Variants in DEPDC5 observed in about 807,000 individuals in gnomAD.
DEPDC5 encodes the protein DEP domain containing 5, GATOR1 subcomplex subunit.
A neutral mutation model predicts 217.3 loss-of-function variants in DEPDC5; 73 were observed. The ratio of observed to expected loss-of-function variants is 0.34; its 90% confidence interval spans 0.28 to 0.41. DEPDC5 has a LOEUF of 0.41. Among genes scored for constraint, DEPDC5 ranks in the 10% least tolerant of loss-of-function variants. The probability of loss-of-function intolerance (pLI) is 1.00; values close to 1 mark genes in which losing one functional copy is unlikely to be tolerated. For synonymous variants in DEPDC5, 733 were observed against 756.7 expected (o/e 0.97, Z 0.51); for missense variants, 1,675 against 2,070.1 (o/e 0.81, Z 3.70).
chr22:31,889,541 CTTTT>C (rs136874), intron 38 of DEPDC5, among the ~76,000 whole-genome samples: 2 of 99,622 alleles, frequency 2.0e-5, no homozygotes, highest in Non-Finnish European at 4.1e-5. Flanking sequence ...GGCAAAACTT[CTTTT>C]TTTTTTTTTT....
Position 31,777,324 on chromosome 22 carries a change from G to A in DEPDC5, c.414-775G>A, listed in dbSNP as rs568260311. 9.3e-5 allele frequency among the ~76,000 whole-genome samples: 14 copies of A among 150,624 alleles called. No individual in the cohort carries two copies. In the South Asian group the frequency reaches 2.7e-3, roughly 29 times the overall value. ...CGCCCAGGCTGGAGTGCAGTGGCACGATCTCAGCTCACTGCAACTTCCACC... is the reference window on the plus strand; with the variant it reads ...CGCCCAGGCTGGAGTGCAGTGGCACAATCTCAGCTCACTGCAACTTCCACC... On this transcript the variant is annotated intron_variant, in intron 7 of 42. Transcript: ENST00000651528.
At position 31,873,339 on chromosome 22, in the gene DEPDC5, G is replaced by A; in HGVS notation, c.3563+7G>A. On this transcript the variant is annotated splice_region_variant and intron_variant, in intron 35 of 42. Transcript: ENST00000651528. ...AAGCCATGAAGCACCCCTCGTAAGT[G>A]GCTCACCACAGTGTAGGGTTGGAAG... is the stretch of plus-strand genomic sequence containing the variant. The A allele has an allele frequency of 6.2e-6, 10 of 1,613,612 alleles. No individual in the cohort carries two copies. Among genetic ancestry groups the A allele is most frequent in the Non-Finnish European group, 6.8e-6 (8 of 1,179,628 alleles).
chr22:31,754,110 G>A lies in DEPDC5; in HGVS notation c.-115G>A, dbSNP rs1255154655. On this transcript the variant is annotated 5_prime_UTR_variant, in exon 1 of 43. Transcript: ENST00000651528. Reference sequence around the variant, plus strand: ...CTGGAGGAGGCGCAGGGAACCTGGAGAGGGTCCAGCCCTCAGTGCCCCGGC... The same window carrying A: ...CTGGAGGAGGCGCAGGGAACCTGGAAAGGGTCCAGCCCTCAGTGCCCCGGC... 1.3e-5 allele frequency: 2 copies of A among 153,280 alleles called. No individual in the cohort carries two copies. Among genetic ancestry groups the A allele is most frequent in the Non-Finnish European group, 2.9e-5 (2 of 68,858 alleles). 9.5% of individuals were successfully genotyped at this position (153,280 alleles called of 1,614,324 possible). A position where few individuals can be genotyped will look rare whatever the true frequency, so the allele number is the denominator to read the frequency against.
At chr22:31,868,344 G>A (rs1602569483) in intron 33 of DEPDC5, among the ~76,000 whole-genome samples, 2 of 152,160 alleles carry the variant, frequency 1.3e-5, no homozygotes, top group South Asian at 4.1e-4. Context: ...GCAATGCACA[G>A]GACAGCCCCC....
intron 7 of DEPDC5, among the ~76,000 whole-genome samples, chr22:31,774,711 C>T (rs2083665237): frequency 6.6e-6 from 1 of 152,026 alleles, no homozygotes; most frequent in South Asian, 2.1e-4. Context: ...GGTGTGGCTG[C>T]TTGTGCCTGT....
chr22:31,762,077 T>C (rs908985913), intron 4 of DEPDC5, among the ~76,000 whole-genome samples: 6 of 152,086 alleles, frequency 3.9e-5, no homozygotes, highest in African/African-American at 1.4e-4. Flanking sequence ...AGTGCTAAGA[T>C]TGCAGGTGTG....
intron 32 of DEPDC5, chr22:31,858,747 T>C (rs1010337809): frequency 6.6e-6 from 1 of 152,228 alleles, no homozygotes; most frequent in South Asian, 2.1e-4. Flanking sequence ...AAATTGTAGA[T>C]GGTGATTTTT....
chr22:31,815,705 A>G (rs896124937), intron 21 of DEPDC5: 1 of 632,992 alleles, frequency 1.6e-6, no homozygotes, highest in Non-Finnish European at 2.4e-6. Context: ...TGATTATCAT[A>G]TTTTTTTTTG....
chr22:31,783,785 A>T lies in DEPDC5; in HGVS notation c.484-122A>T, dbSNP rs1601803524. On this transcript the variant is annotated intron_variant, in intron 8 of 42. Coordinates refer to ENST00000651528, the MANE Select transcript of DEPDC5 (RefSeq NM_001242896.3). ...TACCATCTTAACCATTTTTAAGTGTATAGTTCAATAGTGTTAAGAACATTT... is the reference window on the plus strand; with the variant it reads ...TACCATCTTAACCATTTTTAAGTGTTTAGTTCAATAGTGTTAAGAACATTT... 2.5e-5 allele frequency: 18 copies of T among 709,746 alleles called. No individual in the cohort carries two copies. In the East Asian group the frequency reaches 5.2e-4, roughly 21 times the overall value. The allele number at this position is 709,746 out of a possible 1,614,324, so 44.0% of individuals were successfully genotyped here.
chr22:31,799,144 G>A (rs1454307932), intron 14 of DEPDC5, among the ~76,000 whole-genome samples: 1 of 151,206 alleles, frequency 6.6e-6, no homozygotes, highest in African/African-American at 2.4e-5. Context: ...CCTGGGTTCA[G>A]GCGATTCTCC....
chr22:31,792,441 A>C (rs1333101629), intron 11 of DEPDC5, among the ~76,000 whole-genome samples: 1 of 151,906 alleles, frequency 6.6e-6, no homozygotes, highest in Non-Finnish European at 1.5e-5. Context: ...CCCCATCTCT[A>C]CTAAAAATAC....
intron 11 of DEPDC5, 100 bp downstream of exon 11, chr22:31,792,202 AC>A: frequency 1.2e-6 from 1 of 841,122 alleles, no homozygotes; most frequent in Non-Finnish European, 1.9e-6. Flanking sequence ...GCACTTTTCC[AC>A]CCTTCCCATC....
chr22:31,792,809 C>A lies in DEPDC5; in HGVS notation c.759C>A (p.Asp253Glu). The A allele has an allele frequency of 6.5e-7, 1 of 1,532,916 alleles. No individual in the cohort carries two copies. The highest frequency in any genetic ancestry group is 8.7e-7 in the Non-Finnish European group (1 of 1,151,864). The allele number at this position is 1,532,916 out of a possible 1,614,324, so 95.0% of individuals were successfully genotyped here. The change falls in exon 12 of 43, where the codon GAC becomes GAA. Residue 253 changes from aspartate (D) to glutamate (E), a missense_variant. This residue lies in a region of DEPDC5 where 628 missense variants were observed against 762.1 expected (regional missense o/e 0.82). Coordinates refer to ENST00000651528, the MANE Select transcript of DEPDC5 (RefSeq NM_001242896.3). ...RQDHKGRFYE[D>E]FYKVVVQNER... ...ATCACAAGGGGAGATTCTATGAAGA[C>A]TTTTACAAGTATGTTTGGGTGCTTT... is the stretch of plus-strand genomic sequence containing the variant.
intron 37 of DEPDC5, among the ~76,000 whole-genome samples, chr22:31,878,049 T>C (rs1311954586): frequency 6.6e-6 from 1 of 151,770 alleles, no homozygotes; most frequent in Non-Finnish European, 1.5e-5. Flanking sequence ...TAGCTGGGCG[T>C]GGTGGCGCAC....
At chr22:31,877,627 G>A (rs1469496276) in intron 37 of DEPDC5, among the ~76,000 whole-genome samples, 1 of 150,130 alleles carries the variant, frequency 6.7e-6, no homozygotes, top group Admixed American at 6.7e-5. Context: ...GTGGCCGCCT[G>A]TAATCCCAGC....
Position 31,845,042 on chromosome 22 carries a change from G to A in DEPDC5, c.2826G>A (p.Trp942Ter), listed in dbSNP as rs2091643419. 6.2e-7 allele frequency: 1 copy of A among 1,614,130 alleles called. No homozygotes were observed. The highest frequency in any genetic ancestry group is 8.5e-7 in the Non-Finnish European group (1 of 1,180,028). The change falls in exon 30 of 43, where the codon TGG becomes TGA. Residue 942 changes from tryptophan to a stop codon, truncating the protein, a stop_gained. Transcript: ENST00000651528. LOFTEE classifies it high-confidence loss of function. ...DFSLIESLKF[W>*]RTRFLLLPAC... ...GCTTAATTGAGTCCCTGAAGTTCTG[G>A]AGGACCCGCTTCCTGCTGCTGCCAG...
chr22:31,780,971 A>C (rs1008497428), intron 8 of DEPDC5, among the ~76,000 whole-genome samples: 9 of 152,088 alleles, frequency 5.9e-5, no homozygotes, highest in South Asian at 2.1e-4. Context: ...TAATCCCAGC[A>C]CTTGGGAGGC....
At chr22:31,879,053 T>TATATAC (rs2093094370) in intron 37 of DEPDC5, among the ~76,000 whole-genome samples, 1 of 122,250 alleles carries the variant, frequency 8.2e-6, no homozygotes, top group Non-Finnish European at 1.6e-5. Context: ...AATATATATA[T>TATATAC]ATATATATAT....
chr22:31,821,432 A>T (rs2089686773), intron 22 of DEPDC5, 70 bp from the exon 23 acceptor site: 1 of 1,580,164 alleles, frequency 6.3e-7, no homozygotes, highest in Non-Finnish European at 8.7e-7. Context: ...GAAAGAAGGG[A>T]GAGTATAGTT....
Sources: allele counts gnomAD v4.1 joint callset (sites outside exome capture counted in the v4.1 genomes callset), GRCh38; gene constraint gnomAD v4.1.1; regional missense constraint gnomAD v4.1.1; transcripts MANE v1.5; gene names NCBI Gene and HGNC (gene_info 2026-07-23, HGNC 2026-07-21).